Variants in CORIN observed in about 807,000 individuals in gnomAD.
The protein encoded by CORIN is atrial natriuretic peptide-converting enzyme.
A neutral mutation model predicts 125.3 loss-of-function variants in CORIN; 117 were observed. That is an observed-to-expected ratio of 0.93 (90% CI 0.80 to 1.09). CORIN has a LOEUF of 1.09. CORIN is among the 50% of genes least tolerant of loss of function. CORIN has a pLI of 0.00. For synonymous variants in CORIN, 450 were observed against 466.4 expected, an observed-to-expected ratio of 0.96 and a Z score of 0.45; for missense variants, 1,253 against 1,306.7, an observed-to-expected ratio of 0.96 and a Z score of 0.63.
At chr4:47,601,184 C>T (rs879371164) in intron 20 of CORIN, among the ~76,000 whole-genome samples, 2 of 152,270 alleles carry the variant, frequency 1.3e-5, no homozygotes, top group East Asian at 3.9e-4. Flanking sequence ...ATTTATTGGG[C>T]ACTAGTGGGT....
In CORIN at chr4:47,597,514, T is replaced by A. The variant is rs181531738; in HGVS notation, c.2947-1611A>T. On this transcript the variant is annotated intron_variant, in intron 21 of 21. Transcript: ENST00000273857. ...GAATTTTTCTGCCTAAGAGCCTAAT[T>A]GAATTTTTTTAAAGCAAAATTTCTT... 9.5e-3 allele frequency among the ~76,000 whole-genome samples: 1,441 copies of A among 152,316 alleles called. 8 individuals are homozygous for A. The highest frequency in any genetic ancestry group is 0.015 in the Non-Finnish European group (1,014 of 68,026).
At chr4:47,798,458 A>C (rs982026944) in intron 2 of CORIN, among the ~76,000 whole-genome samples, 3 of 152,202 alleles carry the variant, frequency 2.0e-5, no homozygotes, top group African/African-American at 7.2e-5. Flanking sequence ...TAACTACAAA[A>C]CTTTGTATGA....
intron 5 of CORIN, among the ~76,000 whole-genome samples, chr4:47,712,434 C>T (rs1414663372): frequency 6.6e-6 from 1 of 152,150 alleles, no homozygotes; most frequent in Non-Finnish European, 1.5e-5. Flanking sequence ...AGGTGTGCAT[C>T]ACCATGCCTG....
rs144185479 is a variant in CORIN at position 47,679,875 on chromosome 4, C to T, written c.1132+266G>A. The T allele has an allele frequency of 9.4e-4, 296 of 314,512 alleles. 2 individuals carry two copies. Among genetic ancestry groups the T allele is most frequent in the African/African-American group, 5.2e-3 (238 of 45,904 alleles). 19.5% of individuals were successfully genotyped at this position (314,512 alleles called of 1,614,324 possible). A position where few individuals can be genotyped will look rare whatever the true frequency, so the allele number is the denominator to read the frequency against. ...AGCATAAAAGAGACATATGGAGCAA[C>T]GAGAGAGAAAACAGACACCCACTTG... On this transcript the variant is annotated intron_variant, in intron 8 of 21. Transcript: ENST00000273857.
At chr4:47,743,432 C>G (rs1294001921) in intron 5 of CORIN, among the ~76,000 whole-genome samples, 1 of 152,206 alleles carries the variant, frequency 6.6e-6, no homozygotes, top group Non-Finnish European at 1.5e-5. Flanking sequence ...TTTCACAATA[C>G]TCCCATCAAA....
At chr4:47,766,802 C>A (rs879621503) in intron 3 of CORIN, among the ~76,000 whole-genome samples, 5 of 151,566 alleles carry the variant, frequency 3.3e-5, no homozygotes, top group Admixed American at 3.3e-4. Flanking sequence ...AAAAATTAGC[C>A]GGGTGTGATG....
chr4:47,692,567 A>G (rs565651156), intron 6 of CORIN, among the ~76,000 whole-genome samples: 1 of 152,018 alleles, frequency 6.6e-6, no homozygotes. Flanking sequence ...AAAAAAAAAC[A>G]AGAGGCTTTG....
intron 10 of CORIN, among the ~76,000 whole-genome samples, chr4:47,665,713 T>G (rs949945585): frequency 2.6e-5 from 4 of 152,200 alleles, no homozygotes; most frequent in Non-Finnish European, 5.9e-5. Context: ...TATGTTTTAT[T>G]GTTGATTAAT....
chr4:47,670,594 T>C (rs1577806970), intron 10 of CORIN, among the ~76,000 whole-genome samples: 1 of 152,278 alleles, frequency 6.6e-6, no homozygotes, highest in East Asian at 1.9e-4. Flanking sequence ...AAACTAAAGG[T>C]TGACGAACAC....
chr4:47,653,635 G>A lies in CORIN; in HGVS notation c.1761C>T (p.Cys587=), dbSNP rs986892395. ...AAGCCAGAACACACTGTCCTGAGCG[G>A]CACTTGAAATGACTAGGTGAGCATT... is the stretch of plus-strand genomic sequence containing the variant. ...VEECSPSHFK[C]RSGQCVLASR... is the part of the protein sequence containing the mutation. Residue 587 remains cysteine (C), a synonymous_variant, in exon 13 of 22, where the codon TGC becomes TGT. Transcript: ENST00000273857. 4 of 1,613,968 alleles carry A rather than the reference G, an allele frequency of 2.5e-6. No individual in the cohort carries two copies. In the Admixed American group the frequency reaches 5.0e-5, roughly 20 times the overall value.
Position 47,595,602 on chromosome 4 carries a change from A to T in CORIN, c.*119T>A. The T allele has an allele frequency of 1.5e-6, 1 of 660,160 alleles. No individual in the cohort carries two copies. Among genetic ancestry groups the T allele is most frequent in the Non-Finnish European group, 2.4e-6 (1 of 411,126 alleles). 40.9% of individuals were successfully genotyped at this position (660,160 alleles called of 1,614,324 possible). ...CAAACATGCAAATTTGCAGTGCACG[A>T]TTGAGCATTTCTGTCCATGAAAAGT... On this transcript the variant is annotated 3_prime_UTR_variant, in exon 22 of 22. Transcript: ENST00000273857.
At chr4:47,695,873 T>C (rs755135082) in intron 5 of CORIN, among the ~76,000 whole-genome samples, 10 of 152,166 alleles carry the variant, frequency 6.6e-5, no homozygotes, top group Non-Finnish European at 1.2e-4. Flanking sequence ...GAGGTCAACA[T>C]TGAAATGGGC....
In CORIN at chr4:47,665,305, T is replaced by C. The variant is rs373426401; in HGVS notation, c.1358-42A>G. The C allele has an allele frequency of 4.5e-5, 65 of 1,439,110 alleles. 1 individual carries two copies. Among genetic ancestry groups the C allele is most frequent in the Non-Finnish European group, 6.1e-5 (63 of 1,037,944 alleles). 89.1% of individuals were successfully genotyped at this position (1,439,110 alleles called of 1,614,324 possible). On this transcript the variant is annotated intron_variant, in intron 10 of 21. Transcript: ENST00000273857. ...CACACAAATATTTTTAAATTTCACA[T>C]ATAAAAACAACTTCTTTAAGTTTTA...
At chr4:47,600,398 A>C (rs1373469830) in intron 20 of CORIN, 51 bp from the exon 21 acceptor site, 1 of 1,184,672 alleles carries the variant, frequency 8.4e-7, no homozygotes, top group Admixed American at 2.2e-5. Flanking sequence ...ATGACTCAAA[A>C]GTGAGGCTAG....
intron 4 of CORIN, among the ~76,000 whole-genome samples, chr4:47,749,724 T>C (rs899988454): frequency 1.3e-5 from 2 of 152,236 alleles, no homozygotes; most frequent in Admixed American, 1.3e-4. Flanking sequence ...GGCATGCTAC[T>C]GAGTTTGATG....
Position 47,603,637 on chromosome 4 carries a change from G to C in CORIN, c.2572C>G (p.Leu858Val). The change falls in exon 20 of 22, where the codon CTT becomes GTT. Residue 858 changes from leucine (L) to valine (V), a missense_variant. By Grantham distance (32) the Leu-to-Val change is conservative. Coordinates refer to ENST00000273857, the MANE Select transcript of CORIN (RefSeq NM_006587.4). ...RENAAVWKVV[L>V]GINNLDHPSV... ...GGATGGTCTAGATTGTTGATGCCAA[G>C]CACCACTTTCCAAACTGCAGCATTC... is the stretch of plus-strand genomic sequence containing the variant. 3 of 1,614,040 alleles carry C rather than the reference G, an allele frequency of 1.9e-6. No individual in the cohort carries two copies. Among genetic ancestry groups the C allele is most frequent in the Non-Finnish European group, 2.5e-6 (3 of 1,179,902 alleles).
chr4:47,741,031 A>G (rs1728369112), intron 5 of CORIN, among the ~76,000 whole-genome samples: 1 of 152,098 alleles, frequency 6.6e-6, no homozygotes, highest in Admixed American at 6.5e-5. Flanking sequence ...ATAATTAGTC[A>G]CCTTGTATTA....
intron 1 of CORIN, among the ~76,000 whole-genome samples, chr4:47,835,875 T>G (rs192602551): frequency 1.3e-5 from 2 of 152,350 alleles, no homozygotes; most frequent in Admixed American, 6.5e-5. Flanking sequence ...TGTACCTGGA[T>G]ATGTGCTTGA....
chr4:47,800,083 G>T (rs1416871022), intron 2 of CORIN, among the ~76,000 whole-genome samples: 1 of 152,082 alleles, frequency 6.6e-6, no homozygotes, highest in Admixed American at 6.5e-5. Flanking sequence ...GGGGCTAGGG[G>T]TGAGGAGATG....
Sources: gnomAD v4.1 joint callset for allele counts (sites outside exome capture counted in the v4.1 genomes callset) on GRCh38, gnomAD v4.1.1 for gene constraint, MANE v1.5 for transcripts, NCBI Gene and HGNC (gene_info 2026-07-23, HGNC 2026-07-21) for gene names.